The following SVOPL variants were observed in gnomAD, a reference collection of about 807,000 sequenced individuals.
SVOPL encodes the protein SVOP like, also known as putative transporter SVOPL.
A neutral mutation model predicts 61.0 loss-of-function variants in SVOPL; 60 were observed. The observed-to-expected ratio is 0.98, with a 90% CI of 0.80 to 1.22. The LOEUF (loss-of-function observed/expected upper bound fraction) is 1.22. Ranked by LOEUF, SVOPL falls within the 50% of genes most tolerant of loss-of-function variation. The pLI is 0.00. For missense variants in SVOPL, 662 were observed against 643.9 expected (o/e 1.03, Z -0.30); for synonymous variants, 279 against 250.0 (o/e 1.12, Z -1.09).
chr7:138,614,568 G>T (rs1257234838), intron 14 of SVOPL, among the ~76,000 whole-genome samples: 2 of 151,888 alleles, frequency 1.3e-5, no homozygotes, highest in Non-Finnish European at 2.9e-5. Context: ...GCTAATTTTT[G>T]TATTTTTAGT....
intron 1 of SVOPL, among the ~76,000 whole-genome samples, chr7:138,681,025 A>G: frequency 6.6e-6 from 1 of 151,944 alleles, no homozygotes; most frequent in South Asian, 2.1e-4. Flanking sequence ...TATTTAGGAT[A>G]AGGAAAGTAA....
intron 13 of SVOPL, among the ~76,000 whole-genome samples, chr7:138,623,155 A>G (rs1799743970): frequency 6.6e-6 from 1 of 152,172 alleles, no homozygotes; most frequent in Admixed American, 6.5e-5. Flanking sequence ...CTGAAAAATG[A>G]GGTTGCTCTG....
At chr7:138,672,750 C>A (rs1171548805) in intron 3 of SVOPL, among the ~76,000 whole-genome samples, 1 of 151,390 alleles carries the variant, frequency 6.6e-6, no homozygotes, top group African/African-American at 2.4e-5. Flanking sequence ...CTTGACCTCC[C>A]AGAGTGCTGA....
At chr7:138,668,758 T>A (rs1284652515) in intron 4 of SVOPL, among the ~76,000 whole-genome samples, 1 of 152,198 alleles carries the variant, frequency 6.6e-6, no homozygotes, top group Non-Finnish European at 1.5e-5. Flanking sequence ...CCTGCCACCT[T>A]CCGGGGCTAC....
At chr7:138,674,566 G>A (rs1171199085) in intron 3 of SVOPL, among the ~76,000 whole-genome samples, 1 of 149,540 alleles carries the variant, frequency 6.7e-6, no homozygotes, top group Non-Finnish European at 1.5e-5. Context: ...ACGACTGTAA[G>A]ACACTTGAGG....
intron 9 of SVOPL, among the ~76,000 whole-genome samples, chr7:138,630,764 G>A (rs1034090725): frequency 2.6e-5 from 4 of 152,060 alleles, no homozygotes; most frequent in African/African-American, 7.2e-5. Context: ...CCAACATGGC[G>A]AAAGCCCGTC....
chr7:138,621,846 G>T (rs150986052), intron 13 of SVOPL, among the ~76,000 whole-genome samples: 1 of 59,108 alleles, frequency 1.7e-5, no homozygotes. Flanking sequence ...ATCTATCTAT[G>T]TATCTATCTA....
At chr7:138,643,422 CAA>C (rs36014220) in intron 9 of SVOPL, among the ~76,000 whole-genome samples, 16 of 67,336 alleles carry the variant, frequency 2.4e-4, no homozygotes, top group Admixed American at 5.4e-4. Context: ...GACTCCATCT[CAA>C]AAAAAAAAAA....
At chr7:138,597,724 C>T (rs1798339544) in intron 14 of SVOPL, among the ~76,000 whole-genome samples, 2 of 151,296 alleles carry the variant, frequency 1.3e-5, no homozygotes, top group Admixed American at 1.3e-4. Context: ...AACCAAAAGG[C>T]CAGGCAGTCT....
At chr7:138,642,287 C>CAAAAAAAAAAAAAAA (rs79469915) in intron 9 of SVOPL, among the ~76,000 whole-genome samples, 2 of 111,674 alleles carry the variant, frequency 1.8e-5, no homozygotes, top group African/African-American at 7.2e-5. Flanking sequence ...GGAAATTAGC[C>CAAAAAAAAAAAAAAA]AAAAAAAAAA....
chr7:138,699,977 A>T (rs545073793), intron 1 of SVOPL, among the ~76,000 whole-genome samples: 2 of 152,308 alleles, frequency 1.3e-5, no homozygotes, highest in South Asian at 4.1e-4. Flanking sequence ...CCCTATTAGG[A>T]TACAGAGTTT....
intron 9 of SVOPL, among the ~76,000 whole-genome samples, chr7:138,634,781 G>A (rs1009925873): frequency 1.3e-5 from 2 of 151,288 alleles, no homozygotes; most frequent in African/African-American, 2.4e-5. Flanking sequence ...TGGGCAACAT[G>A]TCAAAACCCT....
chr7:138,608,555 G>A (rs926480908), intron 14 of SVOPL, among the ~76,000 whole-genome samples: 4 of 152,142 alleles, frequency 2.6e-5, no homozygotes, highest in Non-Finnish European at 4.4e-5. Flanking sequence ...AGACGCCCAC[G>A]GCCTGGAAGA....
chr7:138,596,341 T>C (rs543364062), intron 15 of SVOPL, 76 bp downstream of exon 15: 2 of 1,177,908 alleles, frequency 1.7e-6, no homozygotes, highest in African/African-American at 3.1e-5. Flanking sequence ...ACTACAATGA[T>C]GCCCATATAC....
intron 9 of SVOPL, among the ~76,000 whole-genome samples, chr7:138,644,030 T>C (rs551457128): frequency 7.5e-4 from 114 of 151,746 alleles, no homozygotes; most frequent in African/African-American, 2.5e-3. Flanking sequence ...GGTGAAACCC[T>C]GTCTCTACTA....
chr7:138,652,544 C>T (rs1366739196), intron 7 of SVOPL, among the ~76,000 whole-genome samples: 2 of 152,132 alleles, frequency 1.3e-5, no homozygotes, highest in Non-Finnish European at 2.9e-5. Context: ...GAAGGCATGT[C>T]GAAAGCTGAG....
intron 4 of SVOPL, among the ~76,000 whole-genome samples, chr7:138,669,493 A>G (rs1271626179): frequency 6.6e-6 from 1 of 152,186 alleles, no homozygotes; most frequent in African/African-American, 2.4e-5. Context: ...AATTACAAAG[A>G]TCAGCCACCA....
At chr7:138,631,438 C>G (rs550566571) in intron 9 of SVOPL, among the ~76,000 whole-genome samples, 1 of 152,208 alleles carries the variant, frequency 6.6e-6, no homozygotes, top group South Asian at 2.1e-4. Flanking sequence ...TCTATTTTTT[C>G]TGGTACACAT....
rs770404185 is a variant in SVOPL at position 138,615,560 on chromosome 7, CAAAA to C, written c.1353+5482_1353+5485del. On this transcript the variant is annotated intron_variant, in intron 14 of 15. Coordinates refer to ENST00000674285, the MANE Select transcript of SVOPL (RefSeq NM_001139456.2). Reference sequence around the variant, plus strand: ...GGGTGACAGAGCGAGACTCCGTCTCCAAAAAAAAAAAAAAAAAAAAAAAAAAAAG... The same window carrying C: ...GGGTGACAGAGCGAGACTCCGTCTCCAAAAAAAAAAAAAAAAAAAAAAAAG... Among the ~76,000 whole-genome samples, 14 of 5,540 alleles carry C rather than the reference CAAAA, an allele frequency of 2.5e-3. 1 individual carries two copies. The highest frequency in any genetic ancestry group is 3.6e-3 in the Admixed American group (1 of 276). 3.6% of individuals were successfully genotyped at this position (5,540 alleles called of 152,430 possible).
Sources: gnomAD v4.1 joint callset for allele counts (sites outside exome capture counted in the v4.1 genomes callset) on GRCh38, gnomAD v4.1.1 for gene constraint, MANE v1.5 for transcripts, NCBI Gene and HGNC (gene_info 2026-07-23, HGNC 2026-07-21) for gene names.